Variants in DSG3 observed in about 807,000 individuals in gnomAD.
DSG3 encodes the protein desmoglein 3, also known as desmoglein-3.
Under a neutral mutation model 85.9 loss-of-function variants are expected in DSG3, and 63 were observed. That is an observed-to-expected ratio of 0.73 (90% confidence interval 0.60 to 0.90). DSG3 has a LOEUF of 0.90. DSG3 is among the 40% of genes least tolerant of loss of function. The pLI, the probability that DSG3 is intolerant of heterozygous loss-of-function variation, is 0.00. For synonymous variants in DSG3, 447 were observed against 441.9 expected, an observed-to-expected ratio of 1.01 and a Z score of -0.14; for missense variants, 1,220 against 1,219.9, an observed-to-expected ratio of 1.00 and a Z score of 0.00.
At chr18:31,461,666 G>A (rs954588894) in intron 8 of DSG3, among the ~76,000 whole-genome samples, 1 of 152,150 alleles carries the variant, frequency 6.6e-6, no homozygotes, top group Non-Finnish European at 1.5e-5. Context: ...GAGTGATGAT[G>A]TATACTTTAA....
At chr18:31,462,921 C>T (rs1055700885) in intron 8 of DSG3, among the ~76,000 whole-genome samples, 4 of 152,162 alleles carry the variant, frequency 2.6e-5, no homozygotes, top group Non-Finnish European at 2.9e-5. Context: ...AGCTGGCCTT[C>T]AACCCTAATT....
At position 31,461,378 on chromosome 18, in the gene DSG3, C is replaced by T. The variant is rs745590272; in HGVS notation, c.965C>T (p.Pro322Leu). The change falls in exon 8 of 16, where the codon CCT (proline) becomes CTT (leucine). Residue 322 changes from proline to leucine, a missense_variant. Transcript: ENST00000257189. ...AATTGGTTTGAAATACAAACTGATC[C>T]TAGAACTAATGAAGGCATCCTGAAA... ...EGNWFEIQTD[P>L]RTNEGILKVV... 3.1e-6 allele frequency: 5 copies of T among 1,613,356 alleles called. No individual in the cohort carries two copies. Among genetic ancestry groups the T allele is most frequent in the Non-Finnish European group, 4.2e-6 (5 of 1,179,796 alleles).
At chr18:31,465,840 A>T in intron 10 of DSG3, among the ~76,000 whole-genome samples, 1 of 152,188 alleles carries the variant, frequency 6.6e-6, no homozygotes. Flanking sequence ...TACTTTTATC[A>T]TTGAACAATG....
At chr18:31,453,417 C>A (rs1208234156) in intron 1 of DSG3, among the ~76,000 whole-genome samples, 1 of 151,666 alleles carries the variant, frequency 6.6e-6, no homozygotes, top group Non-Finnish European at 1.5e-5. Flanking sequence ...CTCGGCCAAA[C>A]TAAAGAGCAG....
At chr18:31,461,176 T>TC in intron 7 of DSG3, 51 bp from the exon 8 acceptor site, 1 of 1,462,288 alleles carries the variant, frequency 6.8e-7, no homozygotes, top group Non-Finnish European at 9.2e-7. Flanking sequence ...ACATAATCTC[T>TC]CCATGTAAAA....
rs778054142 is a variant in DSG3, at chr18:31,456,997, A to G, written c.89A>G (p.Lys30Arg). The change falls in exon 3 of 16, where the codon AAA becomes AGA. Residue 30 changes from lysine (K) to arginine (R), a missense_variant. By Grantham distance (26) the Lys-to-Arg change is conservative. Transcript: ENST00000257189. ...TGGAATCCCTTTTTACATAAGACTA[A>G]AGGTCAATATGATGAAGAAGAGATG... ...LVHGELRIET[K>R]GQYDEEEMTM... 4 of 1,604,714 alleles carry G rather than the reference A, an allele frequency of 2.5e-6. No individual in the cohort carries two copies. The East Asian group carries it at 8.9e-5, about 36-fold the overall frequency.
At chr18:31,456,732 C>T (rs1265114084) in intron 2 of DSG3, among the ~76,000 whole-genome samples, 1 of 152,014 alleles carries the variant, frequency 6.6e-6, no homozygotes, top group Non-Finnish European at 1.5e-5. Flanking sequence ...CCTATGGGCC[C>T]AGTAAGATAC....
chr18:31,460,112 G>A, intron 6 of DSG3, 101 bp downstream of exon 6: 5 of 1,281,422 alleles, frequency 3.9e-6, no homozygotes, highest in Non-Finnish European at 5.3e-6. Flanking sequence ...AAAAAGAAAA[G>A]AGGTTCTCAG....
At chr18:31,474,815 T>C (rs900373702) in intron 15 of DSG3, among the ~76,000 whole-genome samples, 3 of 152,136 alleles carry the variant, frequency 2.0e-5, no homozygotes, top group African/African-American at 7.2e-5. Flanking sequence ...TGAGAGCATA[T>C]AGCAAGTAGT....
At chr18:31,453,854 G>C (rs1408376968) in intron 1 of DSG3, among the ~76,000 whole-genome samples, 1 of 152,016 alleles carries the variant, frequency 6.6e-6, no homozygotes, top group Non-Finnish European at 1.5e-5. Flanking sequence ...GCTTGATTTA[G>C]TCATTCCACA....
Position 31,475,885 on chromosome 18 carries a change from A to C in DSG3, c.2625A>C (p.Lys875Asn). ...GCAAAGAAGTTCAGCCACCCTCTAA[A>C]GACAGCGGTTATGGGATTGAATCCT... ...GEGKEVQPPS[K>N]DSGYGIESCG... Residue 875 changes from lysine to asparagine, a missense_variant, in exon 16 of 16, where the codon AAA becomes AAC. Transcript: ENST00000257189. The C allele has an allele frequency of 6.2e-7, 1 of 1,614,176 alleles. No homozygotes were observed. Among genetic ancestry groups the C allele is most frequent in the Non-Finnish European group, 8.5e-7 (1 of 1,180,046 alleles).
chr18:31,458,345 G>T, intron 3 of DSG3, 100 bp from the exon 4 acceptor site: 1 of 1,251,276 alleles, frequency 8.0e-7, no homozygotes, highest in South Asian at 1.5e-5. Context: ...CAAAAAGAGT[G>T]AATCGAATGA....
chr18:31,472,829 G>A, intron 14 of DSG3, 41 bp downstream of exon 14: 2 of 1,563,050 alleles, frequency 1.3e-6, no homozygotes, highest in Non-Finnish European at 1.8e-6. Context: ...GGTGAGTTAA[G>A]TGGTAAATAT....
At chr18:31,466,370 AT>A (rs1262684848) in intron 10 of DSG3, among the ~76,000 whole-genome samples, 159 bp from the exon 11 acceptor site, 1 of 152,238 alleles carries the variant, frequency 6.6e-6, no homozygotes, top group Non-Finnish European at 1.5e-5. Flanking sequence ...TTTTTACAAG[AT>A]GCAGAAATAG....
rs1399168013 is a variant in DSG3 at position 31,477,287 on chromosome 18, C to T, written c.*1027C>T. On this transcript the variant is annotated 3_prime_UTR_variant, in exon 16 of 16. Coordinates refer to ENST00000257189, the MANE Select transcript of DSG3 (RefSeq NM_001944.3). ...AAAATATTTTACACTGAGCTCCTTC[C>T]TACACGTCTCAGTAACAGATCCTGT... 1 of 152,194 alleles carries T rather than the reference C, an allele frequency of 6.6e-6. No individual in the cohort carries two copies. The highest frequency in any genetic ancestry group is 1.5e-5 in the Non-Finnish European group (1 of 68,050). 9.4% of individuals were successfully genotyped at this position (152,194 alleles called of 1,614,324 possible). A position where few individuals can be genotyped will look rare whatever the true frequency, so the allele number is the denominator to read the frequency against.
At chr18:31,457,809 T>G (rs1056271382) in intron 3 of DSG3, among the ~76,000 whole-genome samples, 9 of 151,854 alleles carry the variant, frequency 5.9e-5, no homozygotes, top group African/African-American at 2.2e-4. Context: ...TTTTGTATTT[T>G]TAGTAGAGAC....
intron 10 of DSG3, among the ~76,000 whole-genome samples, chr18:31,465,805 G>T (rs918666354): frequency 1.3e-5 from 2 of 152,180 alleles, no homozygotes; most frequent in African/African-American, 2.4e-5. Flanking sequence ...AGGTGCTTTT[G>T]TGAGGTACCT....
intron 3 of DSG3, among the ~76,000 whole-genome samples, chr18:31,457,661 T>G (rs1301008227): frequency 1.3e-5 from 2 of 149,858 alleles, no homozygotes; most frequent in Admixed American, 1.4e-4. Flanking sequence ...ATGGAGTCAC[T>G]GTGCCTCCCA....
At chr18:31,473,502 T>G (rs2072867987) in intron 14 of DSG3, among the ~76,000 whole-genome samples, 1 of 152,200 alleles carries the variant, frequency 6.6e-6, no homozygotes, top group Admixed American at 6.5e-5. Context: ...TCCTGCAAAA[T>G]CCGCATGAGA....
Sources: gnomAD v4.1 joint callset for allele counts (sites outside exome capture counted in the v4.1 genomes callset) on GRCh38, gnomAD v4.1.1 for gene constraint, MANE v1.5 for transcripts, NCBI Gene and HGNC (gene_info 2026-07-23, HGNC 2026-07-21) for gene names.